SLC7A6OS: variants seen among roughly 807,000 people sequenced by gnomAD.
SLC7A6OS encodes the protein solute carrier family 7 member 6 opposite strand.
SLC7A6OS carries 22 observed loss-of-function variants against 34.3 expected under a neutral mutation model. The ratio of observed to expected loss-of-function variants is 0.64; its 90% CI spans 0.46 to 0.92. The LOEUF is 0.92. Among genes scored for constraint, SLC7A6OS ranks in the 40% least tolerant of loss-of-function variants. SLC7A6OS has a pLI of 0.00. For missense variants in SLC7A6OS, 434 were observed against 407.7 expected (o/e 1.06, Z -0.56); for synonymous variants, 199 against 165.0 (o/e 1.21, Z -1.58).
intron 2 of SLC7A6OS, among the ~76,000 whole-genome samples, chr16:68,305,887 G>A (rs111252202): frequency 0.14 from 20,729 of 151,930 alleles, 1,508 homozygotes; most frequent in African/African-American, 0.18. Flanking sequence ...TGGCAAAACC[G>A]TCTCTACAAA....
rs772884292 is a variant in SLC7A6OS, at chr16:68,301,347, C to T, written c.858G>A (p.Met286Ile). ...EEERGSSRQR[M>I]WSKYPLDVQK... ...GCACATCCAGAGGGTACTTGCTCCA[C>T]ATCCGCTGTCTGCTGCTGCCTCTTT... The change falls in exon 5 of 5, where the codon ATG becomes ATA. Residue 286 changes from methionine to isoleucine, a missense_variant. By Grantham distance (10) the Met-to-Ile change is conservative. Coordinates refer to ENST00000263997, the MANE Select transcript of SLC7A6OS (RefSeq NM_032178.3). The T allele has an allele frequency of 6.2e-7, 1 of 1,614,192 alleles. No homozygotes were observed. The highest frequency in any genetic ancestry group is 2.2e-5 in the East Asian group (1 of 44,884).
intron 2 of SLC7A6OS, among the ~76,000 whole-genome samples, chr16:68,304,772 T>G (rs1307735240): frequency 6.6e-6 from 1 of 152,216 alleles, no homozygotes; most frequent in Non-Finnish European, 1.5e-5. Context: ...TCCTGCTCTT[T>G]TGTGCTTGGC....
rs1342622731 is a variant in SLC7A6OS at position 68,310,497 on chromosome 16, G to A, written c.309C>T (p.Tyr103=). Reference sequence around the variant, plus strand: ...AGGATCGGCGGCTGGAAAGCACCCGGTAGCGGCCCTCCTGCCGGACCTCCC... The same window carrying A: ...AGGATCGGCGGCTGGAAAGCACCCGATAGCGGCCCTCCTGCCGGACCTCCC... ...SAREVRQEGR[Y]RVLSSRRSLG... Residue 103 remains tyrosine (Y), a synonymous_variant, in exon 2 of 5, where the codon TAC becomes TAT. Transcript: ENST00000263997. 4 of 1,586,834 alleles carry A rather than the reference G, an allele frequency of 2.5e-6. No homozygotes were observed. Among genetic ancestry groups the A allele is most frequent in the Non-Finnish European group, 2.6e-6 (3 of 1,167,448 alleles).
intron 2 of SLC7A6OS, 69 bp downstream of exon 2, chr16:68,310,266 C>A: frequency 6.8e-7 from 1 of 1,465,906 alleles, no homozygotes; most frequent in Non-Finnish European, 9.2e-7. Context: ...AACTGTGCTG[C>A]GACTGGGCCC....
At position 68,300,938 on chromosome 16, in the gene SLC7A6OS, C is replaced by G. The variant is rs556504705; in HGVS notation, c.*337G>C. The G allele has an allele frequency of 2.0e-6, 2 of 1,008,026 alleles. No individual in the cohort carries two copies. Among genetic ancestry groups the G allele is most frequent in the Non-Finnish European group, 2.4e-6 (2 of 844,982 alleles). 62.4% of individuals were successfully genotyped at this position (1,008,026 alleles called of 1,614,324 possible). A position where few individuals can be genotyped will look rare whatever the true frequency, so the allele number is the denominator to read the frequency against. On this transcript the variant is annotated 3_prime_UTR_variant, in exon 5 of 5. Transcript: ENST00000263997. ...CTGCTAATGAAATGGGAACCTCCCC[C>G]TCCCTTGTGGTTTCAGCACAGAACC...
chr16:68,303,574 C>T (rs2043303432), intron 3 of SLC7A6OS: 1 of 164,232 alleles, frequency 6.1e-6, no homozygotes, highest in Non-Finnish European at 1.3e-5. Flanking sequence ...CAGTGTGAGA[C>T]CTTGTCTCAA....
At chr16:68,309,541 T>C (rs1275370919) in intron 2 of SLC7A6OS, among the ~76,000 whole-genome samples, 1 of 152,146 alleles carries the variant, frequency 6.6e-6, no homozygotes, top group African/African-American at 2.4e-5. Flanking sequence ...CAAGGAGAAT[T>C]TTCCATTTCT....
In SLC7A6OS at chr16:68,301,118, T is replaced by A; in HGVS notation, c.*157A>T. 1 of 1,367,440 alleles carries A rather than the reference T, an allele frequency of 7.3e-7. No individual in the cohort carries two copies. The highest frequency in any genetic ancestry group is 2.0e-5 in the South Asian group (1 of 50,268). The allele number at this position is 1,367,440 out of a possible 1,614,324, so 84.7% of individuals were successfully genotyped here. On this transcript the variant is annotated 3_prime_UTR_variant, in exon 5 of 5. Transcript: ENST00000263997. The stretch of plus-strand genomic sequence containing the variant: ...AAAGACTCACTCCCCTAACATAAGT[T>A]TTCACTGTGGTGGGATGGTGCCGCC...
Position 68,310,477 on chromosome 16 carries a change from C to G in SLC7A6OS, c.329G>C (p.Arg110Pro). Residue 110 changes from arginine (R) to proline (P), a missense_variant, in exon 2 of 5, where the codon CGA (arginine) becomes CCA (proline). Transcript: ENST00000263997. ...EGRYRVLSSR[R>P]SLGTTSSGQE... ...GCCGCTCGAGGTGGTCCCCAAGGATCGGCGGCTGGAAAGCACCCGGTAGCG... is the reference window on the plus strand; with the variant it reads ...GCCGCTCGAGGTGGTCCCCAAGGATGGGCGGCTGGAAAGCACCCGGTAGCG... The G allele has an allele frequency of 1.3e-6, 2 of 1,596,670 alleles. No individual in the cohort carries two copies. Among genetic ancestry groups the G allele is most frequent in the Non-Finnish European group, 1.7e-6 (2 of 1,172,198 alleles).
intron 3 of SLC7A6OS, 153 bp downstream of exon 3, chr16:68,303,873 T>C: frequency 1.5e-6 from 1 of 652,330 alleles, no homozygotes; most frequent in South Asian, 1.9e-5. Context: ...AAAGTCAGGT[T>C]CCTAAAAGGC....
chr16:68,304,249 G>A lies in SLC7A6OS; in HGVS notation c.472-17C>T. The A allele has an allele frequency of 6.2e-7, 1 of 1,608,422 alleles. No individual in the cohort carries two copies. Among genetic ancestry groups the A allele is most frequent in the Non-Finnish European group, 8.5e-7 (1 of 1,174,816 alleles). On this transcript the variant is annotated splice_polypyrimidine_tract_variant and intron_variant, in intron 2 of 4. Transcript: ENST00000263997. ...GTCAGATGTCTGTAAAGAAACCACA[G>A]ATTACACACACACGCATGACCCAAA...
Position 68,301,343 on chromosome 16 carries a change from T to G in SLC7A6OS, c.862A>C (p.Ser288Arg). The G allele has an allele frequency of 6.2e-7, 1 of 1,614,128 alleles. No homozygotes were observed. The highest frequency in any genetic ancestry group is 2.2e-5 in the East Asian group (1 of 44,878). ...ERGSSRQRMW[S>R]KYPLDVQKEF... ...TTCTGCACATCCAGAGGGTACTTGCTCCACATCCGCTGTCTGCTGCTGCCT... is the reference window on the plus strand; with the variant it reads ...TTCTGCACATCCAGAGGGTACTTGCGCCACATCCGCTGTCTGCTGCTGCCT... The change falls in exon 5 of 5, where the codon AGC becomes CGC. Residue 288 changes from serine to arginine, a missense_variant. Physicochemically the swap from Ser to Arg is moderately radical, Grantham distance 110 (BLOSUM62 -1). Coordinates refer to ENST00000263997, the MANE Select transcript of SLC7A6OS (RefSeq NM_032178.3).
Position 68,304,229 on chromosome 16 carries a change from A to G in SLC7A6OS, c.475T>C (p.Ser159Pro), listed in dbSNP as rs1202665821. 6.2e-7 allele frequency: 1 copy of G among 1,613,920 alleles called. No homozygotes were observed. Among genetic ancestry groups the G allele is most frequent in the Non-Finnish European group, 8.5e-7 (1 of 1,179,902 alleles). The stretch of plus-strand genomic sequence containing the variant: ...TTGCAGAGGATCACATCTGGGTCAG[A>G]TGTCTGTAAAGAAACCACAGATTAC... The part of the protein sequence containing the change: ...EAASAGSCKT[S>P]DPDVILCNSV... Residue 159 changes from serine to proline, a missense_variant, in exon 3 of 5, where the codon TCT (serine) becomes CCT (proline). Ser to Pro is a moderately conservative substitution (Grantham distance 74). Coordinates refer to ENST00000263997, the MANE Select transcript of SLC7A6OS (RefSeq NM_032178.3).
At position 68,301,082 on chromosome 16, in the gene SLC7A6OS, C is replaced by A; in HGVS notation, c.*193G>T. On this transcript the variant is annotated 3_prime_UTR_variant, in exon 5 of 5. Coordinates refer to ENST00000263997, the MANE Select transcript of SLC7A6OS (RefSeq NM_032178.3). ...TTTTGATTGAGGCAAAGGGGTCCTA[C>A]TGTAAGTGGAAAAGACTCACTCCCC... 7.8e-7 allele frequency: 1 copy of A among 1,287,130 alleles called. No individual in the cohort carries two copies. The highest frequency in any genetic ancestry group is 3.7e-5 in the Admixed American group (1 of 27,028). 79.7% of individuals were successfully genotyped at this position (1,287,130 alleles called of 1,614,324 possible).
rs1403179810 is a variant in SLC7A6OS, at chr16:68,298,999, T to C, written c.*2276A>G. The C allele has an allele frequency of 2.6e-5, 4 of 152,616 alleles. No individual in the cohort carries two copies. Among genetic ancestry groups the C allele is most frequent in the Non-Finnish European group, 4.4e-5 (3 of 68,038 alleles). 9.5% of individuals were successfully genotyped at this position (152,616 alleles called of 1,614,324 possible). Reference sequence around the variant, plus strand: ...TGGCCATATATTTGCTCAATAAAGATTGAAGGAAGCATGGTCATAGTTGCC... The same window carrying C: ...TGGCCATATATTTGCTCAATAAAGACTGAAGGAAGCATGGTCATAGTTGCC... On this transcript the variant is annotated 3_prime_UTR_variant, in exon 5 of 5. Transcript: ENST00000263997.
Position 68,301,117 on chromosome 16 carries a change from T to C in SLC7A6OS, c.*158A>G. ...AAAAGACTCACTCCCCTAACATAAG[T>C]TTTCACTGTGGTGGGATGGTGCCGC... On this transcript the variant is annotated 3_prime_UTR_variant, in exon 5 of 5. Coordinates refer to ENST00000263997, the MANE Select transcript of SLC7A6OS (RefSeq NM_032178.3). The C allele has an allele frequency of 3.7e-6, 5 of 1,365,180 alleles. No individual in the cohort carries two copies. The highest frequency in any genetic ancestry group is 4.7e-6 in the Non-Finnish European group (5 of 1,055,334). 84.6% of individuals were successfully genotyped at this position (1,365,180 alleles called of 1,614,324 possible).
intron 3 of SLC7A6OS, among the ~76,000 whole-genome samples, chr16:68,303,136 C>T (rs565944484): frequency 6.6e-6 from 1 of 151,894 alleles, no homozygotes; most frequent in East Asian, 1.9e-4. Flanking sequence ...TGGTGGCATG[C>T]ACCTGTAGTC....
chr16:68,304,349 C>A, intron 2 of SLC7A6OS, 117 bp from the exon 3 acceptor site: 1 of 878,942 alleles, frequency 1.1e-6, no homozygotes, highest in Non-Finnish European at 1.8e-6. Flanking sequence ...GAGACGGAGT[C>A]TCACTCTGTC....
intron 2 of SLC7A6OS, among the ~76,000 whole-genome samples, chr16:68,308,231 C>A (rs991816824): frequency 6.6e-6 from 1 of 152,028 alleles, no homozygotes; most frequent in Non-Finnish European, 1.5e-5. Context: ...TTCAATTCCA[C>A]GGAGCATTGG....
Sources: gnomAD v4.1 joint callset for allele counts (sites outside exome capture counted in the v4.1 genomes callset) on GRCh38, gnomAD v4.1.1 for gene constraint, MANE v1.5 for transcripts, NCBI Gene and HGNC (gene_info 2026-07-23, HGNC 2026-07-21) for gene names.